Variants in GRIN2A observed in about 807,000 individuals in gnomAD.
GRIN2A encodes glutamate ionotropic receptor NMDA type subunit 2A.
Under a neutral mutation model 113.4 loss-of-function variants are expected in GRIN2A, and 22 were observed. That is an observed-to-expected ratio of 0.19 (90% CI 0.14 to 0.28). GRIN2A has a LOEUF of 0.28. Ranked by LOEUF, GRIN2A falls within the 10% of genes least tolerant of loss-of-function variation. GRIN2A has a pLI of 1.00. For missense variants in GRIN2A, 1,502 were observed against 1,887.0 expected (o/e 0.80, Z 3.78); for synonymous variants, 827 against 738.4 (o/e 1.12, Z -1.94).
intron 2 of GRIN2A, among the ~76,000 whole-genome samples, chr16:10,076,369 C>T (rs2047872690): frequency 6.6e-6 from 1 of 152,176 alleles, no homozygotes; most frequent in Admixed American, 6.5e-5. Context: ...TCCCACAAAA[C>T]CCCTAGCCAC....
At chr16:9,900,548 C>A (rs1247737647) in intron 3 of GRIN2A, among the ~76,000 whole-genome samples, 1 of 152,164 alleles carries the variant, frequency 6.6e-6, no homozygotes, top group African/African-American at 2.4e-5. Flanking sequence ...ACAGAGCATA[C>A]CTGAAACTTT....
intron 10 of GRIN2A, among the ~76,000 whole-genome samples, chr16:9,819,829 G>C (rs560242398): frequency 6.9e-6 from 1 of 144,268 alleles, no homozygotes; most frequent in African/African-American, 2.5e-5. Flanking sequence ...TGAGTGTGTT[G>C]AGAATCGTTT....
At chr16:9,870,543 C>A (rs1355844699) in intron 4 of GRIN2A, among the ~76,000 whole-genome samples, 1 of 152,004 alleles carries the variant, frequency 6.6e-6, no homozygotes, top group Admixed American at 6.6e-5. Flanking sequence ...ACTTGACCAT[C>A]ACAGCAGAGT....
chr16:9,885,714 G>A (rs919617490), intron 4 of GRIN2A, among the ~76,000 whole-genome samples: 3 of 145,648 alleles, frequency 2.1e-5, no homozygotes, highest in Non-Finnish European at 4.6e-5. Context: ...CTGTACCAGC[G>A]TGTAGTGCTG....
chr16:9,967,076 G>C (rs897673354), intron 2 of GRIN2A, among the ~76,000 whole-genome samples: 3 of 152,160 alleles, frequency 2.0e-5, no homozygotes, highest in Non-Finnish European at 4.4e-5. Flanking sequence ...CACTTCAGTG[G>C]TAGATTCTGT....
chr16:10,034,557 A>T (rs1385387003), intron 2 of GRIN2A, among the ~76,000 whole-genome samples: 5 of 150,106 alleles, frequency 3.3e-5, no homozygotes, highest in Admixed American at 6.6e-5. Flanking sequence ...AAAAAAAAAA[A>T]AAAAAAACTG....
At chr16:10,069,797 G>C (rs2047716171) in intron 2 of GRIN2A, among the ~76,000 whole-genome samples, 1 of 152,244 alleles carries the variant, frequency 6.6e-6, no homozygotes, top group African/African-American at 2.4e-5. Flanking sequence ...CAGCCATACA[G>C]GGTCCAGCAA....
chr16:10,056,873 T>C (rs2047465396), intron 2 of GRIN2A, among the ~76,000 whole-genome samples: 1 of 152,150 alleles, frequency 6.6e-6, no homozygotes, highest in Non-Finnish European at 1.5e-5. Context: ...TATAATAAAT[T>C]CCTGTGGTTT....
intron 11 of GRIN2A, among the ~76,000 whole-genome samples, chr16:9,776,416 T>A (rs970400178): frequency 2.0e-5 from 3 of 151,960 alleles, no homozygotes; most frequent in Admixed American, 6.6e-5. Flanking sequence ...GTACATGTGG[T>A]TCATGACATT....
At chr16:9,847,052 T>C (rs927294066) in intron 5 of GRIN2A, among the ~76,000 whole-genome samples, 12 of 152,176 alleles carry the variant, frequency 7.9e-5, no homozygotes, top group Non-Finnish European at 1.6e-4. Flanking sequence ...TGCTGGCTGT[T>C]GCTGAGCTGA....
At chr16:10,014,931 A>C (rs837692) in intron 2 of GRIN2A, among the ~76,000 whole-genome samples, 1 of 151,936 alleles carries the variant, frequency 6.6e-6, no homozygotes, top group Non-Finnish European at 1.5e-5. Flanking sequence ...AAGCAGGAGG[A>C]CATTAGAAGG....
intron 2 of GRIN2A, among the ~76,000 whole-genome samples, chr16:9,944,950 G>C (rs990241599): frequency 6.6e-6 from 1 of 152,136 alleles, no homozygotes; most frequent in Admixed American, 6.5e-5. Context: ...AGGGAAGGAG[G>C]CTACCAAAGT....
chr16:9,983,292 C>T (rs1194451077), intron 2 of GRIN2A, among the ~76,000 whole-genome samples: 1 of 152,198 alleles, frequency 6.6e-6, no homozygotes, highest in Non-Finnish European at 1.5e-5. Flanking sequence ...CACTAATCTA[C>T]TTTCTACTTC....
intron 2 of GRIN2A, among the ~76,000 whole-genome samples, chr16:9,974,574 G>A (rs945828150): frequency 2.0e-5 from 3 of 152,178 alleles, no homozygotes; most frequent in African/African-American, 4.8e-5. Flanking sequence ...GAGTCTTGCC[G>A]ATGCTCGCGG....
At chr16:9,965,920 C>G (rs1254452579) in intron 2 of GRIN2A, among the ~76,000 whole-genome samples, 1 of 152,158 alleles carries the variant, frequency 6.6e-6, no homozygotes, top group Non-Finnish European at 1.5e-5. Flanking sequence ...TATTGACTAT[C>G]TGGGCTTTTA....
chr16:10,007,930 C>CT (rs1367270623), intron 2 of GRIN2A, among the ~76,000 whole-genome samples: 1 of 152,180 alleles, frequency 6.6e-6, no homozygotes, highest in Non-Finnish European at 1.5e-5. Flanking sequence ...AAAGCTTACT[C>CT]TGACAAGTCA....
At chr16:9,984,893 T>A (rs1408281346) in intron 2 of GRIN2A, among the ~76,000 whole-genome samples, 1 of 152,198 alleles carries the variant, frequency 6.6e-6, no homozygotes, top group Admixed American at 6.6e-5. Flanking sequence ...TTCAAAGATA[T>A]CAAAAACTCT....
intron 2 of GRIN2A, among the ~76,000 whole-genome samples, chr16:9,998,929 C>A (rs1486647501): frequency 6.6e-6 from 1 of 152,114 alleles, no homozygotes; most frequent in African/African-American, 2.4e-5. Flanking sequence ...ACATAAACAT[C>A]CTAGGGGTGC....
chr16:9,786,390 C>T (rs1173344261), intron 11 of GRIN2A, among the ~76,000 whole-genome samples: 6 of 152,280 alleles, frequency 3.9e-5, no homozygotes, highest in South Asian at 2.1e-4. Context: ...CCTGCTCCCA[C>T]GGTGCTGGGG....
Sources: gnomAD v4.1 joint callset for allele counts (sites outside exome capture counted in the v4.1 genomes callset) on GRCh38, gnomAD v4.1.1 for gene constraint, MANE v1.5 for transcripts, NCBI Gene and HGNC (gene_info 2026-07-23, HGNC 2026-07-21) for gene names.